Variants in SP100 observed in about 807,000 individuals in gnomAD.
SP100 encodes SP100 nuclear body protein, also known as nuclear autoantigen Sp-100.
In SP100, 84 loss-of-function variants were observed where a neutral mutation model predicts 130.0. The observed-to-expected ratio is 0.65, with a 90% confidence interval of 0.54 to 0.77. The LOEUF is 0.77. SP100 is among the 30% of genes least tolerant of loss of function. SP100 has a pLI of 0.00. For synonymous variants in SP100, 331 were observed against 351.7 expected, an observed-to-expected ratio of 0.94 and a Z score of 0.66; for missense variants, 978 against 1,052.2, an observed-to-expected ratio of 0.93 and a Z score of 0.97.
At position 230,417,575 on chromosome 2, in the gene SP100, C is replaced by G; in HGVS notation, c.33-16C>G. 1 of 1,608,578 alleles carries G rather than the reference C, an allele frequency of 6.2e-7. No homozygotes were observed. ...GGTCCAGTTATTTACTTGGTCCTGC[C>G]AAATTGTCTTTCTAGGAGGCTGAAT... On this transcript the variant is annotated splice_polypyrimidine_tract_variant and intron_variant, in intron 1 of 28. Transcript: ENST00000340126.
chr2:230,436,927 AGTGTATACACACACGCATATAT>A (rs1407276249), intron 2 of SP100, among the ~76,000 whole-genome samples: 1 of 79,958 alleles, frequency 1.3e-5, no homozygotes, highest in Non-Finnish European at 2.6e-5. Flanking sequence ...TATACACACA[AGTGTATACACACACGCATATAT>A]GTGTATACAC....
At chr2:230,431,644 G>A (rs989314097) in intron 2 of SP100, among the ~76,000 whole-genome samples, 1 of 152,098 alleles carries the variant, frequency 6.6e-6, no homozygotes, top group African/African-American at 2.4e-5. Flanking sequence ...TAAATCTAAG[G>A]TTCTAGCTTC....
At position 230,506,424 on chromosome 2, in the gene SP100, T is replaced by C. The variant is rs1314831199; in HGVS notation, c.1992T>C (p.Tyr664=). 3 of 1,613,862 alleles carry C rather than the reference T, an allele frequency of 1.9e-6. No individual in the cohort carries two copies. Among genetic ancestry groups the C allele is most frequent in the Non-Finnish European group, 1.7e-6 (2 of 1,179,824 alleles). The part of the protein sequence containing the change: ...NWKLSIRCGG[Y]TLKVLMENKF... Reference sequence around the variant, plus strand: ...AGCTAAGTATACGCTGCGGTGGATATACCCTGAAAGTCCTGATGGAGGTAT... The same window carrying C: ...AGCTAAGTATACGCTGCGGTGGATACACCCTGAAAGTCCTGATGGAGGTAT... Residue 664 remains tyrosine, a synonymous_variant, in exon 22 of 29, where the codon TAT becomes TAC. Coordinates refer to ENST00000340126, the MANE Select transcript of SP100 (RefSeq NM_001080391.2).
chr2:230,446,809 C>T lies in SP100; in HGVS notation c.440-10C>T, dbSNP rs200663889. Reference sequence around the variant, plus strand: ...ATCTCTAATTGCTTCTTCTCTCTCCCACTCTTCAGTAATCCATGACAAATT... The same window carrying T: ...ATCTCTAATTGCTTCTTCTCTCTCCTACTCTTCAGTAATCCATGACAAATT... On this transcript the variant is annotated splice_polypyrimidine_tract_variant and intron_variant, in intron 4 of 28. Coordinates refer to ENST00000340126, the MANE Select transcript of SP100 (RefSeq NM_001080391.2). The T allele has an allele frequency of 1.3e-6, 2 of 1,565,178 alleles. No individual in the cohort carries two copies. Among genetic ancestry groups the T allele is most frequent in the Non-Finnish European group, 1.8e-6 (2 of 1,137,046 alleles).
intron 17 of SP100, among the ~76,000 whole-genome samples, chr2:230,482,901 T>A (rs1311863056): frequency 1.3e-5 from 2 of 152,226 alleles, no homozygotes; most frequent in African/African-American, 4.8e-5. Flanking sequence ...TAACTTTTAA[T>A]ATCATTTTGT....
At chr2:230,466,841 T>A (rs2064984783) in intron 12 of SP100, among the ~76,000 whole-genome samples, 1 of 152,130 alleles carries the variant, frequency 6.6e-6, no homozygotes, top group African/African-American at 2.4e-5. Flanking sequence ...GATAATGTGG[T>A]GTAAGAAGAC....
chr2:230,426,875 G>C (rs901090096), intron 2 of SP100, among the ~76,000 whole-genome samples: 7 of 152,152 alleles, frequency 4.6e-5, no homozygotes, highest in Middle Eastern at 3.4e-3. Context: ...TTGTATTGCT[G>C]TTTCTTTCTT....
intron 2 of SP100, among the ~76,000 whole-genome samples, chr2:230,427,618 G>T (rs2062972642): frequency 1.3e-5 from 2 of 152,098 alleles, no homozygotes; most frequent in Admixed American, 1.3e-4. Flanking sequence ...TGACAGCTTT[G>T]TAGTACTTTT....
intron 19 of SP100, among the ~76,000 whole-genome samples, chr2:230,501,960 C>G (rs1347116020): frequency 6.6e-6 from 1 of 152,090 alleles, no homozygotes; most frequent in Non-Finnish European, 1.5e-5. Flanking sequence ...TCTCCGCCTC[C>G]CGGATTCAAG....
chr2:230,431,644 G>T (rs989314097), intron 2 of SP100, among the ~76,000 whole-genome samples: 1 of 152,098 alleles, frequency 6.6e-6, no homozygotes, highest in Non-Finnish European at 1.5e-5. Context: ...TAAATCTAAG[G>T]TTCTAGCTTC....
intron 19 of SP100, among the ~76,000 whole-genome samples, chr2:230,499,744 G>A (rs534631254): frequency 1.3e-5 from 2 of 151,896 alleles, no homozygotes; most frequent in South Asian, 2.1e-4. Context: ...CCTTGACCCC[G>A]CTAGCCATGA....
intron 16 of SP100, 24 bp downstream of exon 16, chr2:230,473,464 G>A: frequency 7.1e-7 from 1 of 1,416,890 alleles, no homozygotes; most frequent in South Asian, 1.1e-5. Flanking sequence ...AGGGTCTTGG[G>A]ATGGAAGTGG....
intron 11 of SP100, among the ~76,000 whole-genome samples, chr2:230,464,621 G>A (rs374096144): frequency 6.6e-6 from 1 of 151,594 alleles, no homozygotes; most frequent in African/African-American, 2.4e-5. Context: ...CAAAAAAAAA[G>A]TGACTTCAAC....
chr2:230,474,039 A>T (rs2065412147), intron 16 of SP100, among the ~76,000 whole-genome samples: 2 of 152,216 alleles, frequency 1.3e-5, no homozygotes, highest in African/African-American at 4.8e-5. Flanking sequence ...TTGTTTTGAA[A>T]GATATCCTCT....
intron 2 of SP100, among the ~76,000 whole-genome samples, chr2:230,432,664 G>C (rs766139419): frequency 6.6e-5 from 10 of 151,928 alleles, no homozygotes; most frequent in Non-Finnish European, 1.3e-4. Flanking sequence ...AGAAATATCT[G>C]TTCAAATCAT....
intron 24 of SP100, among the ~76,000 whole-genome samples, chr2:230,531,785 G>A (rs2150108946): frequency 6.6e-6 from 1 of 152,244 alleles, no homozygotes; most frequent in South Asian, 2.1e-4. Flanking sequence ...TATAGTGGGT[G>A]TGGTGGACCT....
chr2:230,482,781 C>T (rs1464788723), intron 17 of SP100, among the ~76,000 whole-genome samples: 1 of 152,044 alleles, frequency 6.6e-6, no homozygotes, highest in Non-Finnish European at 1.5e-5. Flanking sequence ...ATATCACACT[C>T]TAGTAAATAC....
Position 230,539,397 on chromosome 2 carries a change from T to A in SP100, c.2210+15T>A. On this transcript the variant is annotated intron_variant, in intron 25 of 28. Coordinates refer to ENST00000340126, the MANE Select transcript of SP100 (RefSeq NM_001080391.2). ...GAAGCTAACAAGTGAGTAAGACATG[T>A]CCCCTTCCCTGAGCCCTTCCTTCTT... The A allele has an allele frequency of 6.4e-7, 1 of 1,564,828 alleles. No individual in the cohort carries two copies. The highest frequency in any genetic ancestry group is 8.8e-7 in the Non-Finnish European group (1 of 1,135,300).
intron 10 of SP100, 42 bp from the exon 11 acceptor site, chr2:230,464,024 GT>G (rs1216710619): frequency 7.6e-7 from 1 of 1,324,282 alleles, no homozygotes; most frequent in Admixed American, 1.7e-5. Flanking sequence ...TGATTCCTTG[GT>G]CACACACTGA....
Sources: gnomAD v4.1 joint callset for allele counts (sites outside exome capture counted in the v4.1 genomes callset) on GRCh38, gnomAD v4.1.1 for gene constraint, MANE v1.5 for transcripts, NCBI Gene and HGNC (gene_info 2026-07-23, HGNC 2026-07-21) for gene names.